The following FREM2 variants were observed in gnomAD, a reference collection of about 807,000 sequenced individuals.
The protein encoded by FREM2 is FRAS1 related extracellular matrix 2, also known as FRAS1-related extracellular matrix protein 2.
In FREM2, 119 loss-of-function variants were observed where a neutral mutation model predicts 219.9. The observed-to-expected ratio is 0.54, with a 90% confidence interval of 0.47 to 0.63. The LOEUF is 0.63. Among genes scored for constraint, FREM2 ranks in the 30% least tolerant of loss-of-function variants. The pLI is 0.00. For synonymous variants in FREM2, 1,562 were observed against 1,522.8 expected, an observed-to-expected ratio of 1.03 and a Z score of -0.60; for missense variants, 4,030 against 3,993.6, an observed-to-expected ratio of 1.01 and a Z score of -0.25.
At chr13:38,868,006 A>G (rs1211673669) in intron 16 of FREM2, among the ~76,000 whole-genome samples, 1 of 152,102 alleles carries the variant, frequency 6.6e-6, no homozygotes, top group African/African-American at 2.4e-5. Flanking sequence ...TAGTCTAGTA[A>G]AGCTGACACC....
rs758752490 is a variant in FREM2, at chr13:38,784,702, C to T, written c.5913C>T (p.Tyr1971=). 3.1e-6 allele frequency: 5 copies of T among 1,613,952 alleles called. No homozygotes were observed. Among genetic ancestry groups the T allele is most frequent in the African/African-American group, 1.3e-5 (1 of 74,898 alleles). Reference sequence around the variant, plus strand: ...TAGTCATAATTGATGACTCTTTGTACGAGGAGGAGGAAACCTTCCATGTCC... The same window carrying T: ...TAGTCATAATTGATGACTCTTTGTATGAGGAGGAGGAAACCTTCCATGTCC... The part of the protein sequence containing the change: ...CRIVIIDDSL[Y]EEEETFHVLL... Residue 1971 remains tyrosine, a synonymous_variant, in exon 6 of 24, where the codon TAC becomes TAT. Coordinates refer to ENST00000280481, the MANE Select transcript of FREM2 (RefSeq NM_207361.6).
chr13:38,817,373 C>G (rs1875808248), intron 6 of FREM2, among the ~76,000 whole-genome samples: 1 of 151,964 alleles, frequency 6.6e-6, no homozygotes, highest in African/African-American at 2.4e-5. Context: ...GACACATAGA[C>G]CAATGGAATA....
chr13:38,864,732 A>G (rs1480538067), intron 16 of FREM2, 126 bp downstream of exon 16: 1 of 822,856 alleles, frequency 1.2e-6, no homozygotes, highest in Non-Finnish European at 2.1e-6. Flanking sequence ...ATTGACAGCA[A>G]GGGACCAGAC....
At chr13:38,780,041 G>A (rs149771357) in intron 4 of FREM2, among the ~76,000 whole-genome samples, 58 of 152,008 alleles carry the variant, frequency 3.8e-4, no homozygotes, top group African/African-American at 1.4e-3. Flanking sequence ...TCCCCTGTGT[G>A]ATTTTATTTT....
At chr13:38,753,006 A>C (rs1235137083) in intron 2 of FREM2, among the ~76,000 whole-genome samples, 1 of 152,194 alleles carries the variant, frequency 6.6e-6, no homozygotes, top group Non-Finnish European at 1.5e-5. Context: ...CAGAGATCTA[A>C]TAAATTTATT....
intron 2 of FREM2, among the ~76,000 whole-genome samples, chr13:38,748,124 A>T (rs1872562468): frequency 6.6e-6 from 1 of 151,972 alleles, no homozygotes; most frequent in African/African-American, 2.4e-5. Context: ...TTGACTAATT[A>T]AAAAAAAGGG....
Position 38,769,737 on chromosome 13 carries a change from T to A in FREM2, c.5570T>A (p.Leu1857His). The A allele has an allele frequency of 6.2e-7, 1 of 1,614,134 alleles. No homozygotes were observed. ...HEQSETFQVV[L>H]SEPVLAALEF... ...CAGTCTGAAACCTTTCAGGTGGTACTCTCAGAGCCCGTGCTGGCTGCCTTG... is the reference window on the plus strand; with the variant it reads ...CAGTCTGAAACCTTTCAGGTGGTACACTCAGAGCCCGTGCTGGCTGCCTTG... Residue 1857 changes from leucine to histidine, a missense_variant, in exon 4 of 24, where the codon CTC becomes CAC. This residue lies in a region of FREM2 where 3,102 missense variants were observed against 2,950.7 expected (regional missense o/e 1.05). Coordinates refer to ENST00000280481, the MANE Select transcript of FREM2 (RefSeq NM_207361.6).
rs1874178968 is a variant in FREM2 at position 38,783,057 on chromosome 13, G to A, written c.5642-13G>A. 1 of 1,613,038 alleles carries A rather than the reference G, an allele frequency of 6.2e-7. No homozygotes were observed. The highest frequency in any genetic ancestry group is 8.5e-7 in the Non-Finnish European group (1 of 1,179,772). ...AGACAAAAATAATGCTTGCAATTGT[G>A]TTTTCTCTCTAGAGCCAACTGTGTT... On this transcript the variant is annotated splice_polypyrimidine_tract_variant and intron_variant, in intron 4 of 23. Coordinates refer to ENST00000280481, the MANE Select transcript of FREM2 (RefSeq NM_207361.6).
In FREM2 at chr13:38,881,019, A is replaced by G; in HGVS notation, c.*232A>G. ...CCAAAGGCAGCAACAACGTACTCAT[A>G]TGTACACAGAGCCATGATGTGAGGA... On this transcript the variant is annotated 3_prime_UTR_variant, in exon 24 of 24. Transcript: ENST00000280481. The G allele has an allele frequency of 6.7e-6, 4 of 592,662 alleles. No individual in the cohort carries two copies. The highest frequency in any genetic ancestry group is 1.2e-5 in the Non-Finnish European group (4 of 328,722). The allele number at this position is 592,662 out of a possible 1,614,324, so 36.7% of individuals were successfully genotyped here. A position where few individuals can be genotyped will look rare whatever the true frequency, so the allele number is the denominator to read the frequency against.
chr13:38,765,985 G>A (rs369409636), intron 3 of FREM2, among the ~76,000 whole-genome samples: 23 of 152,250 alleles, frequency 1.5e-4, no homozygotes, highest in East Asian at 1.2e-3. Context: ...GGAGTGATTC[G>A]TCTTAACTCT....
chr13:38,806,658 G>A (rs751068895), intron 6 of FREM2, among the ~76,000 whole-genome samples: 1 of 151,940 alleles, frequency 6.6e-6, no homozygotes, highest in Non-Finnish European at 1.5e-5. Context: ...TTTTGCTGGT[G>A]TAGGTTCTTG....
intron 2 of FREM2, among the ~76,000 whole-genome samples, chr13:38,745,805 A>G (rs1872456791): frequency 6.6e-6 from 1 of 152,098 alleles, no homozygotes; most frequent in African/African-American, 2.4e-5. Context: ...ATGCTGGGTA[A>G]TTATCACTAT....
At chr13:38,796,781 C>T (rs1457378625) in intron 6 of FREM2, among the ~76,000 whole-genome samples, 2 of 152,064 alleles carry the variant, frequency 1.3e-5, no homozygotes, top group African/African-American at 2.4e-5. Context: ...TGGATAAATA[C>T]CTAGTGCTAG....
rs751313901 is a variant in FREM2 at position 38,859,549 on chromosome 13, T to C, written c.7478T>C (p.Leu2493Pro). The C allele has an allele frequency of 6.2e-7, 1 of 1,614,096 alleles. No individual in the cohort carries two copies. Among genetic ancestry groups the C allele is most frequent in the Non-Finnish European group, 8.5e-7 (1 of 1,180,008 alleles). The stretch of plus-strand genomic sequence containing the variant: ...GTGAACACCAATGGGGATGAAGGCC[T>C]GGAGCTCATGAGCCCTATTGTAACC... The part of the protein sequence containing the change: ...RAVNTNGDEG[L>P]ELMSPIVTIS... Residue 2493 changes from leucine to proline, a missense_variant, in exon 14 of 24, where the codon CTG becomes CCG. Leu to Pro is a moderately conservative substitution (Grantham distance 98). Transcript: ENST00000280481.
chr13:38,876,863 C>T (rs1356624299), intron 20 of FREM2, among the ~76,000 whole-genome samples: 1 of 152,074 alleles, frequency 6.6e-6, no homozygotes, highest in Non-Finnish European at 1.5e-5. Flanking sequence ...TTTATATACC[C>T]CAATAAACCA....
At chr13:38,846,861 T>C in intron 7 of FREM2, 139 bp downstream of exon 7, 1 of 931,116 alleles carries the variant, frequency 1.1e-6, no homozygotes, top group Non-Finnish European at 1.7e-6. Context: ...ATTATTACTC[T>C]AGGAGGTAAA....
chr13:38,838,986 A>G (rs1176084506), intron 6 of FREM2, among the ~76,000 whole-genome samples: 2 of 151,954 alleles, frequency 1.3e-5, no homozygotes, highest in Non-Finnish European at 2.9e-5. Context: ...TTCTACACCC[A>G]GTTTTGTTCC....
intron 6 of FREM2, among the ~76,000 whole-genome samples, chr13:38,829,604 G>A (rs1252963678): frequency 6.7e-6 from 1 of 149,920 alleles, no homozygotes; most frequent in Non-Finnish European, 1.5e-5. Flanking sequence ...ATGTAGTGTA[G>A]TATGGAAATG....
intron 6 of FREM2, among the ~76,000 whole-genome samples, chr13:38,795,748 A>T (rs1298153086): frequency 6.6e-6 from 1 of 152,132 alleles, no homozygotes; most frequent in Non-Finnish European, 1.5e-5. Flanking sequence ...ACTCCCATCC[A>T]CATACCCTTC....
Sources: gnomAD v4.1 joint callset for allele counts (sites outside exome capture counted in the v4.1 genomes callset) on GRCh38, gnomAD v4.1.1 for gene constraint, gnomAD v4.1.1 regional missense constraint, MANE v1.5 for transcripts, NCBI Gene and HGNC (gene_info 2026-07-23, HGNC 2026-07-21) for gene names.